The following RAB3C variants were observed in gnomAD, a reference collection of about 807,000 sequenced individuals.
RAB3C encodes RAB3C, member RAS oncogene family.
Under a neutral mutation model 26.4 loss-of-function variants are expected in RAB3C, and 17 were observed. The observed-to-expected ratio is 0.64, with a 90% CI of 0.44 to 0.97. The LOEUF (loss-of-function observed/expected upper bound fraction) is 0.97, where lower values mean the gene tolerates loss of function less well. Among genes scored for constraint, RAB3C ranks in the 50% least tolerant of loss-of-function variants. The pLI, the probability that RAB3C is intolerant of heterozygous loss-of-function variation, is 0.00. For missense variants in RAB3C, 242 were observed against 281.9 expected (o/e 0.86, Z 1.01); for synonymous variants, 91 against 95.9 (o/e 0.95, Z 0.30).
intron 2 of RAB3C, among the ~76,000 whole-genome samples, chr5:58,700,128 A>C (rs974740780): frequency 3.3e-5 from 5 of 152,192 alleles, no homozygotes; most frequent in Admixed American, 2.6e-4. Flanking sequence ...TTTTGAATTA[A>C]ATTGAAAGGT....
At chr5:58,698,420 G>A (rs374571537) in intron 2 of RAB3C, among the ~76,000 whole-genome samples, 4 of 152,014 alleles carry the variant, frequency 2.6e-5, no homozygotes, top group South Asian at 2.1e-4. Context: ...TGCTCTTCTC[G>A]AGGAGTATCT....
chr5:58,857,804 C>G lies in RAB3C; in HGVS notation c.*6453C>G, dbSNP rs979978086. ...ACTCATATATTCATCCTCAAACTCC[C>G]TTGTTTAATGCTAATTGGTGGCCTG... On this transcript the variant is annotated 3_prime_UTR_variant, in exon 5 of 5. Transcript: ENST00000282878. 5.3e-5 allele frequency: 8 copies of G among 152,176 alleles called. No homozygotes were observed. The highest frequency in any genetic ancestry group is 1.9e-4 in the African/African-American group (8 of 41,436). The allele number at this position is 152,176 out of a possible 1,614,324, so 9.4% of individuals were successfully genotyped here.
chr5:58,847,058 G>T (rs997934988), intron 4 of RAB3C: 2 of 152,036 alleles, frequency 1.3e-5, no homozygotes, highest in African/African-American at 2.4e-5. Context: ...TGCATCTCAC[G>T]AACAGTGCCG....
intron 2 of RAB3C, among the ~76,000 whole-genome samples, chr5:58,620,897 G>T (rs962334274): frequency 6.6e-6 from 1 of 152,170 alleles, no homozygotes; most frequent in African/African-American, 2.4e-5. Flanking sequence ...AGCAACAGTG[G>T]TATGCTTAAG....
At chr5:58,780,124 G>A (rs1742239211) in intron 3 of RAB3C, among the ~76,000 whole-genome samples, 1 of 152,146 alleles carries the variant, frequency 6.6e-6, no homozygotes, top group African/African-American at 2.4e-5. Flanking sequence ...GAGGTTAGCA[G>A]TGTCGTGGGC....
chr5:58,644,371 A>G (rs1316742822), intron 2 of RAB3C: 5 of 152,192 alleles, frequency 3.3e-5, no homozygotes, highest in Non-Finnish European at 5.9e-5. Context: ...AATGATACCA[A>G]CTTTTCAGAG....
rs1747581829 is a variant in RAB3C, at chr5:58,648,823, C to T, written c.252+30953C>T. Among the ~76,000 whole-genome samples the T allele has an allele frequency of 2.6e-5, 4 of 152,272 alleles. No homozygotes were observed. In the South Asian group the frequency reaches 8.3e-4, roughly 32 times the overall value. ...AATGCAATAAAATTTAATTCTGAGT[C>T]ATGTAAAGTCCAATTCTGATTTTCT... On this transcript the variant is annotated intron_variant, in intron 2 of 4. Coordinates refer to ENST00000282878, the MANE Select transcript of RAB3C (RefSeq NM_138453.4).
intron 2 of RAB3C, among the ~76,000 whole-genome samples, chr5:58,645,260 A>G (rs913743507): frequency 2.0e-5 from 3 of 152,226 alleles, no homozygotes; most frequent in Admixed American, 2.0e-4. Context: ...TTAGCACCAC[A>G]GTATATAAAT....
At chr5:58,662,981 C>A (rs887264719) in intron 2 of RAB3C, among the ~76,000 whole-genome samples, 4 of 150,192 alleles carry the variant, frequency 2.7e-5, no homozygotes, top group Non-Finnish European at 5.9e-5. Flanking sequence ...TATCTTCTTC[C>A]CTCAAGGAGA....
intron 1 of RAB3C, among the ~76,000 whole-genome samples, chr5:58,613,750 A>G (rs1746766503): frequency 6.6e-6 from 1 of 152,126 alleles, no homozygotes; most frequent in African/African-American, 2.4e-5. Flanking sequence ...GTGACCAATT[A>G]TGAAAGCCAC....
intron 3 of RAB3C, among the ~76,000 whole-genome samples, chr5:58,768,963 T>C (rs1009203040): frequency 6.6e-6 from 1 of 151,576 alleles, no homozygotes; most frequent in Non-Finnish European, 1.5e-5. Context: ...GGCTGCGACT[T>C]GAACCTACAC....
At chr5:58,678,833 C>G (rs956273302) in intron 2 of RAB3C, among the ~76,000 whole-genome samples, 3 of 152,236 alleles carry the variant, frequency 2.0e-5, no homozygotes, top group Middle Eastern at 3.4e-3. Flanking sequence ...TTATTATTGA[C>G]TAAAAGGGCA....
intron 3 of RAB3C, among the ~76,000 whole-genome samples, chr5:58,797,358 GTATATATATAATATATATATATATA>G (rs1742688827): frequency 2.3e-4 from 6 of 26,290 alleles, no homozygotes; most frequent in African/African-American, 1.3e-3. Context: ...AAAAAAATAT[GTATATATATAATATATATATATATA>G]TATATATATA....
At chr5:58,786,765 A>G (rs925047567) in intron 3 of RAB3C, among the ~76,000 whole-genome samples, 4 of 151,500 alleles carry the variant, frequency 2.6e-5, no homozygotes, top group Admixed American at 2.0e-4. Flanking sequence ...AACATGATTC[A>G]GTTTGTCAAA....
intron 2 of RAB3C, among the ~76,000 whole-genome samples, chr5:58,677,399 C>T (rs535629292): frequency 1.3e-5 from 2 of 152,264 alleles, no homozygotes; most frequent in East Asian, 3.9e-4. Flanking sequence ...TTTTGGATAG[C>T]TAGCTAACTA....
intron 2 of RAB3C, among the ~76,000 whole-genome samples, chr5:58,718,085 A>T (rs546489559): frequency 1.3e-5 from 2 of 152,196 alleles, no homozygotes; most frequent in Admixed American, 1.3e-4. Flanking sequence ...AACCTTGACT[A>T]AAAGCTGTAA....
intron 3 of RAB3C, among the ~76,000 whole-genome samples, chr5:58,758,063 T>C (rs1427561347): frequency 3.3e-5 from 5 of 152,140 alleles, no homozygotes; most frequent in African/African-American, 9.7e-5. Flanking sequence ...TGCCTCAGCC[T>C]CCCAAGTAGC....
At chr5:58,638,462 T>C (rs1747334259) in intron 2 of RAB3C, among the ~76,000 whole-genome samples, 2 of 152,202 alleles carry the variant, frequency 1.3e-5, no homozygotes, top group Non-Finnish European at 2.9e-5. Flanking sequence ...CATGGAGTTA[T>C]ATTTATCAAT....
At position 58,597,738 on chromosome 5, in the gene RAB3C, CAT is replaced by C. The variant is rs1269100935; in HGVS notation, c.24+14510_24+14511del. On this transcript the variant is annotated intron_variant, in intron 1 of 4. Coordinates refer to ENST00000282878, the MANE Select transcript of RAB3C (RefSeq NM_138453.4). ...TAGTACATTATATATAAGTATATAA[CAT>C]ATAATACATTATATATAAGTATATA... Among the ~76,000 whole-genome samples the C allele has an allele frequency of 1.1e-4, 5 of 44,066 alleles. 1 individual carries two copies. The highest frequency in any genetic ancestry group is 6.1e-4 in the East Asian group (2 of 3,280). The allele number at this position is 44,066 out of a possible 152,430, so 28.9% of individuals were successfully genotyped here.
Sources: allele counts gnomAD v4.1 joint callset (sites outside exome capture counted in the v4.1 genomes callset), GRCh38; gene constraint gnomAD v4.1.1; transcripts MANE v1.5; gene names NCBI Gene and HGNC (gene_info 2026-07-23, HGNC 2026-07-21).